Variants in OSBPL10 observed in about 807,000 individuals in gnomAD.
OSBPL10 encodes oxysterol-binding protein-related protein 10.
Under a neutral mutation model 81.7 loss-of-function variants are expected in OSBPL10, and 49 were observed. The observed-to-expected ratio is 0.60, with a 90% confidence interval of 0.48 to 0.76. The LOEUF (loss-of-function observed/expected upper bound fraction) is 0.76, where lower values mean the gene tolerates loss of function less well. Ranked by LOEUF, OSBPL10 falls within the 30% of genes least tolerant of loss-of-function variation. OSBPL10 has a pLI of 0.00. For synonymous variants in OSBPL10, 419 were observed against 383.6 expected, an observed-to-expected ratio of 1.09 and a Z score of -1.08; for missense variants, 923 against 987.8, an observed-to-expected ratio of 0.93 and a Z score of 0.88.
At chr3:31,676,787 G>A (rs1700488196) in intron 8 of OSBPL10, among the ~76,000 whole-genome samples, 2 of 152,262 alleles carry the variant, frequency 1.3e-5, no homozygotes, top group African/African-American at 4.8e-5. Flanking sequence ...GCAAAGAGCA[G>A]CTGAACGCCC....
chr3:32,040,828 C>A (rs1699567817), intron 2 of OSBPL10, among the ~76,000 whole-genome samples: 1 of 152,176 alleles, frequency 6.6e-6, no homozygotes, highest in Non-Finnish European at 1.5e-5. Context: ...CAGAGTGAGA[C>A]TCCATCTCTA....
At chr3:31,859,803 G>C (rs1160230454) in intron 3 of OSBPL10, among the ~76,000 whole-genome samples, 1 of 152,158 alleles carries the variant, frequency 6.6e-6, no homozygotes, top group Admixed American at 6.5e-5. Context: ...CAGAATCCTT[G>C]AGGAATACAC....
chr3:31,683,636 T>TC lies in OSBPL10; in HGVS notation c.1723dup (p.Glu575GlyfsTer19). 6.2e-7 allele frequency: 1 copy of TC among 1,606,432 alleles called. No homozygotes were observed. The highest frequency in any genetic ancestry group is 1.3e-5 in the African/African-American group (1 of 74,904). ...CTCCAACATACGACATGGCTTACCT[T>TC]CCCCTATCATAGAGACCCCCACGGA... On this transcript the variant is annotated frameshift_variant, in exon 8 of 12. Transcript: ENST00000396556. LOFTEE classifies it high-confidence loss of function.
At chr3:31,789,751 C>G (rs1402009796) in intron 4 of OSBPL10, among the ~76,000 whole-genome samples, 1 of 152,230 alleles carries the variant, frequency 6.6e-6, no homozygotes, top group Non-Finnish European at 1.5e-5. Flanking sequence ...CTAGAAGAGA[C>G]TAAGACTCTC....
intron 5 of OSBPL10, among the ~76,000 whole-genome samples, chr3:31,733,643 G>A (rs1034524120): frequency 2.0e-5 from 3 of 147,654 alleles, no homozygotes; most frequent in Admixed American, 2.0e-4. Context: ...CTCCCCAACA[G>A]TGGACAAAAA....
chr3:31,684,932 T>G (rs1196014477), intron 7 of OSBPL10, among the ~76,000 whole-genome samples: 1 of 152,170 alleles, frequency 6.6e-6, no homozygotes, highest in Non-Finnish European at 1.5e-5. Flanking sequence ...ACAGAGACCT[T>G]GTAGAGGCCC....
intron 1 of OSBPL10, among the ~76,000 whole-genome samples, chr3:31,973,593 A>C (rs1297923054): frequency 6.6e-6 from 1 of 152,226 alleles, no homozygotes; most frequent in East Asian, 1.9e-4. Context: ...TGGAAAGGTA[A>C]GAAGGACTAC....
chr3:32,012,891 A>G (rs573843889), intron 2 of OSBPL10, among the ~76,000 whole-genome samples: 27 of 152,340 alleles, frequency 1.8e-4, no homozygotes, highest in Non-Finnish European at 2.6e-4. Flanking sequence ...AAGAAGAGCT[A>G]ACTATCCTAA....
chr3:31,878,485 C>T (rs1432997751), intron 2 of OSBPL10, among the ~76,000 whole-genome samples: 3 of 152,116 alleles, frequency 2.0e-5, no homozygotes, highest in Non-Finnish European at 2.9e-5. Flanking sequence ...ATTTTTACTT[C>T]CGAGGTTTTT....
At chr3:31,703,263 CTG>C (rs1695955727) in intron 6 of OSBPL10, among the ~76,000 whole-genome samples, 1 of 152,196 alleles carries the variant, frequency 6.6e-6, no homozygotes, top group Admixed American at 6.5e-5. Flanking sequence ...ATTAAGGACT[CTG>C]GTTACAAGGT....
At chr3:31,985,021 G>A (rs376730701), upstream of OSBPL10, among the ~76,000 whole-genome samples, 2 of 152,172 alleles carry the variant, frequency 1.3e-5, no homozygotes, top group South Asian at 4.1e-4. Flanking sequence ...GGCGGGTCAC[G>A]TGAGGTCAGG....
rs1392761446 is a variant in OSBPL10 at position 32,052,331 on chromosome 3, T to C, written n.186-5728A>G. The stretch of plus-strand genomic sequence containing the variant: ...CAGAGATTAGATTTGCTAAATGCTT[T>C]AATGTCATAAACTGCTTCTTTGACT... On this transcript the variant is annotated intron_variant and non_coding_transcript_variant, in intron 1 of 3. Coordinates refer to the OSBPL10 transcript ENST00000479173. Among the ~76,000 whole-genome samples, 3 of 152,362 alleles carry C rather than the reference T, an allele frequency of 2.0e-5. No homozygotes were observed. In the East Asian group the frequency reaches 5.8e-4, roughly 29 times the overall value.
At chr3:31,830,347 G>T in intron 3 of OSBPL10, 116 bp from the exon 4 acceptor site, 2 of 1,049,236 alleles carry the variant, frequency 1.9e-6, no homozygotes, top group South Asian at 3.4e-5. Context: ...TTAGGGAGCT[G>T]AAGGTATGAA....
rs1419144651 is a variant in OSBPL10, at chr3:31,920,939, T to G, written c.282-41109A>C. On this transcript the variant is annotated intron_variant, in intron 1 of 11. Coordinates refer to ENST00000396556, the MANE Select transcript of OSBPL10 (RefSeq NM_017784.5). ...GCAGATACCGGCACTATGTTTTATG[T>G]GTAGCCTGCAGAACCATGAGCCAAA... is the stretch of plus-strand genomic sequence containing the variant. 3.3e-5 allele frequency among the ~76,000 whole-genome samples: 5 copies of G among 152,306 alleles called. No individual in the cohort carries two copies. The East Asian group carries it at 9.7e-4, about 29-fold the overall frequency.
intron 4 of OSBPL10, among the ~76,000 whole-genome samples, chr3:31,810,791 C>T (rs1039247399): frequency 6.6e-6 from 1 of 152,146 alleles, no homozygotes; most frequent in African/African-American, 2.4e-5. Flanking sequence ...ACAGTGAGTC[C>T]ACAGGGTGTA....
chr3:31,965,825 T>TA (rs376240399), intron 1 of OSBPL10, among the ~76,000 whole-genome samples: 15,429 of 56,646 alleles, frequency 0.27, 4,369 homozygotes, highest in African/African-American at 0.7. Flanking sequence ...ATATATTATA[T>TA]AAATATATAA....
chr3:32,018,207 A>T (rs1343326043), intron 2 of OSBPL10, among the ~76,000 whole-genome samples: 1 of 151,970 alleles, frequency 6.6e-6, no homozygotes, highest in East Asian at 1.9e-4. Context: ...GTCAAAAATT[A>T]TGAAATAATT....
At chr3:31,869,779 T>C (rs1219122821) in intron 3 of OSBPL10, among the ~76,000 whole-genome samples, 1 of 152,248 alleles carries the variant, frequency 6.6e-6, no homozygotes, top group African/African-American at 2.4e-5. Context: ...CTCCATTTTC[T>C]AATTTATAAA....
intron 4 of OSBPL10, chr3:31,795,161 T>TG (rs1699165965): frequency 1.4e-5 from 1 of 69,768 alleles, no homozygotes; most frequent in Admixed American, 1.9e-4. Context: ...TTTTTTTTTT[T>TG]GGAGACAGAG....
Sources: gnomAD v4.1 joint callset for allele counts (sites outside exome capture counted in the v4.1 genomes callset) on GRCh38, gnomAD v4.1.1 for gene constraint, MANE v1.5 for transcripts, NCBI Gene and HGNC (gene_info 2026-07-23, HGNC 2026-07-21) for gene names.